The following CDH8 variants were observed in gnomAD, a reference collection of about 807,000 sequenced individuals.
CDH8 encodes the protein cadherin-8.
In CDH8, 17 loss-of-function variants were observed where a neutral mutation model predicts 68.1. The ratio of observed to expected loss-of-function variants is 0.25; its 90% confidence interval spans 0.17 to 0.37. CDH8 has a LOEUF of 0.37. Ranked by LOEUF, CDH8 falls within the 10% of genes least tolerant of loss-of-function variation. The pLI, the probability that CDH8 is intolerant of heterozygous loss-of-function variation, is 1.00. For missense variants in CDH8, 763 were observed against 999.3 expected, an observed-to-expected ratio of 0.76 and a Z score of 3.19; for synonymous variants, 372 against 365.1, an observed-to-expected ratio of 1.02 and a Z score of -0.21.
At chr16:61,658,113 T>C (rs1445722806) in intron 10 of CDH8, among the ~76,000 whole-genome samples, 3 of 152,082 alleles carry the variant, frequency 2.0e-5, no homozygotes, top group Non-Finnish European at 4.4e-5. Context: ...TATTTTTGGA[T>C]TGGTAATTGT....
intron 3 of CDH8, among the ~76,000 whole-genome samples, chr16:61,885,711 CAAAA>C (rs5817322): frequency 6.9e-5 from 8 of 116,454 alleles, no homozygotes; most frequent in Admixed American, 8.7e-5. Flanking sequence ...AATAGCAATC[CAAAA>C]AAAAAAAAAA....
chr16:61,719,994 AACACACACACACAC>A (rs10595910), intron 9 of CDH8, among the ~76,000 whole-genome samples: 5 of 147,090 alleles, frequency 3.4e-5, no homozygotes, highest in Non-Finnish European at 6.1e-5. Flanking sequence ...CTTATTAGGT[AACACACACACACAC>A]ACACACACAC....
At chr16:61,824,880 A>G in intron 5 of CDH8, 132 bp downstream of exon 5, 1 of 717,158 alleles carries the variant, frequency 1.4e-6, no homozygotes, top group Non-Finnish European at 2.3e-6. Context: ...TACCAAAATC[A>G]TGCCATACCT....
rs1263421278 is a variant in CDH8 at position 61,647,811 on chromosome 16, T to C, written c.*5797A>G. ...TTTCTGGTCCTGACCTCTGAGTTCA[T>C]TGAAGCCATGGTTTTCCACAGTCTT... On this transcript the variant is annotated 3_prime_UTR_variant, in exon 12 of 12. Transcript: ENST00000577390. 1.6e-5 allele frequency: 11 copies of C among 699,682 alleles called. No individual in the cohort carries two copies. Among genetic ancestry groups the C allele is most frequent in the East Asian group, 5.4e-5 (2 of 37,226 alleles). 43.3% of individuals were successfully genotyped at this position (699,682 alleles called of 1,614,324 possible).
At chr16:61,883,049 C>G (rs1217548006) in intron 3 of CDH8, among the ~76,000 whole-genome samples, 1 of 152,146 alleles carries the variant, frequency 6.6e-6, no homozygotes, top group Non-Finnish European at 1.5e-5. Flanking sequence ...TTATGATGGT[C>G]CTTCACATTC....
chr16:61,695,977 A>G (rs1964318141), intron 10 of CDH8, among the ~76,000 whole-genome samples: 1 of 151,226 alleles, frequency 6.6e-6, no homozygotes, highest in African/African-American at 2.4e-5. Flanking sequence ...ATCTTGATAT[A>G]AAAAAAAGTT....
chr16:61,700,783 A>G (rs184824430), intron 10 of CDH8, among the ~76,000 whole-genome samples: 2 of 152,308 alleles, frequency 1.3e-5, no homozygotes, highest in Admixed American at 1.3e-4. Flanking sequence ...TCGATAGAAA[A>G]GTACACCTAG....
At chr16:61,956,007 A>T (rs1265784103) in intron 2 of CDH8, among the ~76,000 whole-genome samples, 1 of 152,248 alleles carries the variant, frequency 6.6e-6, no homozygotes, top group African/African-American at 2.4e-5. Context: ...CTTTATTTAC[A>T]TTAAAATTAT....
Position 61,652,536 on chromosome 16 carries a change from C to T in CDH8, c.*1072G>A. ...TTCCTGCCATCTCCAGTTACAATAA[C>T]ACTTTCTACTCTAAAGAGACTATTA... is the stretch of plus-strand genomic sequence containing the variant. On this transcript the variant is annotated 3_prime_UTR_variant, in exon 12 of 12. Transcript: ENST00000577390. 9.7e-7 allele frequency: 1 copy of T among 1,028,334 alleles called. No individual in the cohort carries two copies. The highest frequency in any genetic ancestry group is 8.0e-5 in the East Asian group (1 of 12,530). 63.7% of individuals were successfully genotyped at this position (1,028,334 alleles called of 1,614,324 possible).
At chr16:61,654,453 A>G (rs1051138340) in intron 11 of CDH8, among the ~76,000 whole-genome samples, 1 of 152,170 alleles carries the variant, frequency 6.6e-6, no homozygotes, top group African/African-American at 2.4e-5. Context: ...ATGTGTTTCA[A>G]GCAAGTCCTT....
intron 8 of CDH8, among the ~76,000 whole-genome samples, chr16:61,781,691 C>T (rs1198292037): frequency 6.6e-6 from 1 of 152,124 alleles, no homozygotes; most frequent in East Asian, 1.9e-4. Flanking sequence ...TTAAAGAAGA[C>T]TGGATTTTTT....
rs1963270591 is a variant in CDH8 at position 61,649,289 on chromosome 16, A to G, written c.*4319T>C. 2 of 151,854 alleles carry G rather than the reference A, an allele frequency of 1.3e-5. No individual in the cohort carries two copies. Among genetic ancestry groups the G allele is most frequent in the South Asian group, 4.1e-4 (2 of 4,824 alleles). 9.4% of individuals were successfully genotyped at this position (151,854 alleles called of 1,614,324 possible). On this transcript the variant is annotated 3_prime_UTR_variant, in exon 12 of 12. Coordinates refer to ENST00000577390, the MANE Select transcript of CDH8 (RefSeq NM_001796.5). ...TTTACCCTCAATTCAACTTCTTTCA[A>G]ATTCAAGGTTAGATTCATGAAAACA...
intron 7 of CDH8, among the ~76,000 whole-genome samples, chr16:61,807,492 C>CA (rs1248620844): frequency 1.3e-5 from 2 of 151,384 alleles, no homozygotes; most frequent in Admixed American, 6.6e-5. Context: ...AAACAAAAAA[C>CA]AAAAAACAAA....
chr16:61,919,407 G>T (rs548563143), intron 2 of CDH8, among the ~76,000 whole-genome samples: 1 of 145,942 alleles, frequency 6.9e-6, no homozygotes, highest in Non-Finnish European at 1.5e-5. Context: ...AAAGAAGTTG[G>T]AAACTTTGAA....
At chr16:61,714,178 C>G (rs948268241) in intron 9 of CDH8, 1 of 504,670 alleles carries the variant, frequency 2.0e-6, no homozygotes, top group African/African-American at 2.0e-5. Flanking sequence ...AGAGCATTAC[C>G]TTTGTGTCCA....
At position 61,847,618 on chromosome 16, in the gene CDH8, T is replaced by C. The variant is rs189348505; in HGVS notation, c.667+9501A>G. Among the ~76,000 whole-genome samples the C allele has an allele frequency of 2.2e-3, 336 of 150,156 alleles. 2 individuals are homozygous for C. The highest frequency in any genetic ancestry group is 4.7e-3 in the Admixed American group (71 of 14,996). On this transcript the variant is annotated intron_variant, in intron 4 of 11. Coordinates refer to ENST00000577390, the MANE Select transcript of CDH8 (RefSeq NM_001796.5). Reference sequence around the variant, plus strand: ...ATGGGAGGTGGGTGGAAACTTATGATGTTTAACTCTCTGTTAAGCAAGAAC... The same window carrying C: ...ATGGGAGGTGGGTGGAAACTTATGACGTTTAACTCTCTGTTAAGCAAGAAC...
At chr16:61,684,199 T>G (rs1382193627) in intron 10 of CDH8, among the ~76,000 whole-genome samples, 1 of 151,988 alleles carries the variant, frequency 6.6e-6, no homozygotes, top group Admixed American at 6.6e-5. Context: ...TTCAAAACTT[T>G]GTGATTAATT....
rs1963249136 is a variant in CDH8, at chr16:61,648,375, C to T, written c.*5233G>A. ...GAAAAGCTGTGATTTCTGTTGCACCCATTCTTGAGTTCCCATCTTTTTGGA... is the reference window on the plus strand; with the variant it reads ...GAAAAGCTGTGATTTCTGTTGCACCTATTCTTGAGTTCCCATCTTTTTGGA... On this transcript the variant is annotated 3_prime_UTR_variant, in exon 12 of 12. Transcript: ENST00000577390. 6.6e-6 allele frequency: 1 copy of T among 152,306 alleles called. No homozygotes were observed. 9.4% of individuals were successfully genotyped at this position (152,306 alleles called of 1,614,324 possible).
At chr16:61,730,239 A>G (rs1959496832) in intron 8 of CDH8, among the ~76,000 whole-genome samples, 1 of 151,458 alleles carries the variant, frequency 6.6e-6, no homozygotes, top group African/African-American at 2.4e-5. Flanking sequence ...GCAATTTTCA[A>G]CATTAAAGTA....
Sources: allele counts gnomAD v4.1 joint callset (sites outside exome capture counted in the v4.1 genomes callset), GRCh38; gene constraint gnomAD v4.1.1; transcripts MANE v1.5; gene names NCBI Gene and HGNC (gene_info 2026-07-23, HGNC 2026-07-21).